MRPL48: variants seen among roughly 807,000 people sequenced by gnomAD.
The protein encoded by MRPL48 is large ribosomal subunit protein mL48.
Under a neutral mutation model 32.9 loss-of-function variants are expected in MRPL48, and 16 were observed. The observed-to-expected ratio is 0.49, with a 90% CI of 0.33 to 0.74. MRPL48 has a LOEUF of 0.74. Ranked by LOEUF, MRPL48 falls within the 30% of genes least tolerant of loss-of-function variation. The pLI, the probability that MRPL48 is intolerant of heterozygous loss-of-function variation, is 0.02. For synonymous variants in MRPL48, 94 were observed against 89.2 expected, an observed-to-expected ratio of 1.05 and a Z score of -0.31; for missense variants, 206 against 245.3, an observed-to-expected ratio of 0.84 and a Z score of 1.07.
At chr11:73,825,607 T>C in intron 3 of MRPL48, 101 bp from the exon 4 acceptor site, 1 of 1,039,974 alleles carries the variant, frequency 9.6e-7, no homozygotes, top group Non-Finnish European at 1.4e-6. Context: ...TGAGATGGCA[T>C]TACATCCCAG....
At chr11:73,835,610 C>T (rs1480635821) in intron 4 of MRPL48, among the ~76,000 whole-genome samples, 1 of 152,072 alleles carries the variant, frequency 6.6e-6, no homozygotes, top group African/African-American at 2.4e-5. Context: ...TTAAAAATGC[C>T]ATTTATGGCA....
intron 4 of MRPL48, among the ~76,000 whole-genome samples, chr11:73,840,881 A>G (rs1948175504): frequency 6.6e-6 from 1 of 152,184 alleles, no homozygotes; most frequent in Admixed American, 6.5e-5. Flanking sequence ...TATTTGCAGC[A>G]TGTACAAAGG....
At chr11:73,801,037 C>A (rs1251674255) in intron 1 of MRPL48, among the ~76,000 whole-genome samples, 1 of 151,972 alleles carries the variant, frequency 6.6e-6, no homozygotes, top group Non-Finnish European at 1.5e-5. Context: ...TCTCAAACTC[C>A]GGACCTCAGG....
At position 73,818,606 on chromosome 11, in the gene MRPL48, G is replaced by A. The variant is rs548753431; in HGVS notation, c.113-7102G>A. On this transcript the variant is annotated intron_variant, in intron 3 of 7. Coordinates refer to ENST00000310614, the MANE Select transcript of MRPL48 (RefSeq NM_016055.6). ...GAGCACATACTGTTTGCCAGGTGGT[G>A]GCATTGTTTCTGCCCTGGAGGGCCT... is the stretch of plus-strand genomic sequence containing the variant. 2.4e-4 allele frequency among the ~76,000 whole-genome samples: 37 copies of A among 152,346 alleles called. 1 individual carries two copies. In the South Asian group the frequency reaches 7.5e-3, roughly 31 times the overall value.
intron 3 of MRPL48, among the ~76,000 whole-genome samples, chr11:73,814,482 G>A (rs2134984485): frequency 6.6e-6 from 1 of 152,186 alleles, no homozygotes; most frequent in African/African-American, 2.4e-5. Context: ...ATCACCTGAG[G>A]TCAGGAGTTC....
chr11:73,853,196 C>A (rs1438508698), intron 5 of MRPL48, among the ~76,000 whole-genome samples: 1 of 152,064 alleles, frequency 6.6e-6, no homozygotes, highest in Non-Finnish European at 1.5e-5. Context: ...AACAGGGTGA[C>A]TATAGTTGAT....
intron 1 of MRPL48, among the ~76,000 whole-genome samples, chr11:73,795,738 C>T (rs1947244070): frequency 6.7e-6 from 1 of 149,806 alleles, no homozygotes; most frequent in Admixed American, 6.7e-5. Context: ...GATCTCCTGA[C>T]CTCGTGATCC....
Position 73,788,008 on chromosome 11 carries a change from C to G in MRPL48, c.21+16C>G. Reference sequence around the variant, plus strand: ...CTTGGAAAAGGTAACGTAGATTCCACGCACGCGGGGCGCGGGGAGATGGCG... The same window carrying G: ...CTTGGAAAAGGTAACGTAGATTCCAGGCACGCGGGGCGCGGGGAGATGGCG... On this transcript the variant is annotated intron_variant, in intron 1 of 7. Transcript: ENST00000310614. The G allele has an allele frequency of 6.5e-7, 1 of 1,548,208 alleles. No individual in the cohort carries two copies.
In MRPL48 at chr11:73,865,019, C is replaced by G; in HGVS notation, c.*649C>G. The G allele has an allele frequency of 6.6e-6, 1 of 152,628 alleles. No homozygotes were observed. The highest frequency in any genetic ancestry group is 1.5e-5 in the Non-Finnish European group (1 of 68,298). 9.5% of individuals were successfully genotyped at this position (152,628 alleles called of 1,614,324 possible). A position where few individuals can be genotyped will look rare whatever the true frequency, so the allele number is the denominator to read the frequency against. On this transcript the variant is annotated 3_prime_UTR_variant, in exon 8 of 8. Coordinates refer to ENST00000310614, the MANE Select transcript of MRPL48 (RefSeq NM_016055.6). ...TGTTAGCCAAGATGGTCTCGATCTC[C>G]TGACCTCGTGATCCGCCAGCCTTGG...
Position 73,844,870 on chromosome 11 carries a change from G to C in MRPL48, c.265G>C (p.Gly89Arg). 6.2e-7 allele frequency: 1 copy of C among 1,613,700 alleles called. No individual in the cohort carries two copies. Among genetic ancestry groups the C allele is most frequent in the Non-Finnish European group, 8.5e-7 (1 of 1,179,702 alleles). Residue 89 changes from glycine (G) to arginine (R), a missense_variant, in exon 5 of 8, where the codon GGG (glycine) becomes CGG (arginine). Transcript: ENST00000310614. ...AINLGTDYEY[G>R]VLNIHLTAYD... is the part of the protein sequence containing the mutation. ...TAATTTGGGGACAGATTATGAATATGGGGTTTTAAATATTCATCTGACTGC... is the reference window on the plus strand; with the variant it reads ...TAATTTGGGGACAGATTATGAATATCGGGTTTTAAATATTCATCTGACTGC...
At chr11:73,853,360 A>G (rs1244035967) in intron 5 of MRPL48, among the ~76,000 whole-genome samples, 4 of 152,150 alleles carry the variant, frequency 2.6e-5, no homozygotes, top group African/African-American at 7.2e-5. Context: ...TACCCTATAA[A>G]TATATATACC....
intron 3 of MRPL48, among the ~76,000 whole-genome samples, chr11:73,812,742 T>A (rs868823698): frequency 9.7e-4 from 100 of 103,050 alleles, no homozygotes; most frequent in African/African-American, 2.0e-3. Context: ...ATATATATAT[T>A]TATTTATTTA....
At chr11:73,841,942 G>C (rs1183231446) in intron 4 of MRPL48, among the ~76,000 whole-genome samples, 3 of 152,032 alleles carry the variant, frequency 2.0e-5, no homozygotes, top group Middle Eastern at 3.4e-3. Flanking sequence ...AGTTTTTGGG[G>C]GGGGGTTTGT....
chr11:73,839,354 G>A lies in MRPL48; in HGVS notation c.202-5453G>A, dbSNP rs1007681535. 5.3e-5 allele frequency among the ~76,000 whole-genome samples: 8 copies of A among 151,582 alleles called. No homozygotes were observed. In the South Asian group the frequency reaches 1.3e-3, roughly 24 times the overall value. On this transcript the variant is annotated intron_variant, in intron 4 of 7. Transcript: ENST00000310614. ...GACTTAAGACATATCAGTAGGGATAGTTTTTTTTTCTTTTTTTCTTAAAAA... is the reference window on the plus strand; with the variant it reads ...GACTTAAGACATATCAGTAGGGATAATTTTTTTTTCTTTTTTTCTTAAAAA...
chr11:73,859,432 C>T (rs1476564609), intron 5 of MRPL48, among the ~76,000 whole-genome samples: 2 of 151,964 alleles, frequency 1.3e-5, no homozygotes, highest in African/African-American at 2.4e-5. Context: ...CAGGTGTGTG[C>T]CACCACACCT....
chr11:73,826,769 A>ATTTTCT (rs1947899788), intron 4 of MRPL48, among the ~76,000 whole-genome samples: 1 of 97,610 alleles, frequency 1.0e-5, no homozygotes, highest in African/African-American at 4.0e-5. Flanking sequence ...TTCTTACTGT[A>ATTTTCT]TTTTCTTTTT....
At chr11:73,843,881 C>G (rs1948236322) in intron 4 of MRPL48, among the ~76,000 whole-genome samples, 1 of 151,972 alleles carries the variant, frequency 6.6e-6, no homozygotes, top group Admixed American at 6.6e-5. Context: ...GAGTTCGAGA[C>G]CAGTCTGGCC....
intron 3 of MRPL48, among the ~76,000 whole-genome samples, chr11:73,822,475 G>A (rs1947800565): frequency 1.3e-5 from 2 of 152,150 alleles, no homozygotes; most frequent in Non-Finnish European, 2.9e-5. Flanking sequence ...CTGTCTCAGT[G>A]TCTATACAGT....
intron 7 of MRPL48, 108 bp downstream of exon 7, chr11:73,863,369 T>C: frequency 1.1e-6 from 1 of 927,672 alleles, no homozygotes; most frequent in Non-Finnish European, 1.6e-6. Context: ...ATGTGGATAA[T>C]GTGACCTAAA....
Sources: gnomAD v4.1 joint callset for allele counts (sites outside exome capture counted in the v4.1 genomes callset) on GRCh38, gnomAD v4.1.1 for gene constraint, MANE v1.5 for transcripts, NCBI Gene and HGNC (gene_info 2026-07-23, HGNC 2026-07-21) for gene names.